Variants in MSRA observed in about 807,000 individuals in gnomAD.
The protein encoded by MSRA is mitochondrial peptide methionine sulfoxide reductase.
Under a neutral mutation model 31.3 loss-of-function variants are expected in MSRA, and 54 were observed. The observed-to-expected ratio is 1.73, with a 90% confidence interval of 1.39 to 2.17. MSRA has a LOEUF of 2.17. Ranked by LOEUF, MSRA falls within the 30% of genes most tolerant of loss-of-function variation. The pLI is 0.00. For missense variants in MSRA, 507 were observed against 300.9 expected (o/e 1.69, Z -5.07); for synonymous variants, 169 against 116.5 (o/e 1.45, Z -2.90).
chr8:10,181,285 G>C (rs967420249), intron 1 of MSRA, among the ~76,000 whole-genome samples: 2 of 152,192 alleles, frequency 1.3e-5, no homozygotes, highest in Non-Finnish European at 2.9e-5. Context: ...CCTGCATGAA[G>C]TCAGAAAGTG....
intron 3 of MSRA, among the ~76,000 whole-genome samples, chr8:10,283,627 T>C (rs1799753382): frequency 6.6e-6 from 1 of 151,326 alleles, no homozygotes; most frequent in Non-Finnish European, 1.5e-5. Context: ...AAAGTCCATT[T>C]TGTCATTCTT....
chr8:10,402,119 C>T (rs1021695658), intron 5 of MSRA, among the ~76,000 whole-genome samples: 3 of 152,184 alleles, frequency 2.0e-5, no homozygotes, highest in Non-Finnish European at 2.9e-5. Context: ...GCATTGGGTT[C>T]CCTTAGCTCT....
intron 5 of MSRA, among the ~76,000 whole-genome samples, chr8:10,359,846 A>G (rs571899911): frequency 9.8e-5 from 15 of 152,286 alleles, no homozygotes; most frequent in African/African-American, 3.6e-4. Flanking sequence ...AGGGAGGAGG[A>G]GTAGGTCATG....
At chr8:10,427,307 C>G (rs1283080504) in intron 5 of MSRA, among the ~76,000 whole-genome samples, 5 of 152,222 alleles carry the variant, frequency 3.3e-5, no homozygotes, top group Non-Finnish European at 5.9e-5. Context: ...GGAGAAGAAG[C>G]AGGCTGAAAT....
chr8:10,357,709 G>A (rs956292268), intron 5 of MSRA, among the ~76,000 whole-genome samples: 4 of 152,162 alleles, frequency 2.6e-5, no homozygotes, highest in South Asian at 2.1e-4. Context: ...ACCAGCTGGG[G>A]CAGCATGGAT....
chr8:10,115,259 C>T (rs1298683798), intron 1 of MSRA, among the ~76,000 whole-genome samples: 1 of 152,168 alleles, frequency 6.6e-6, no homozygotes, highest in African/African-American at 2.4e-5. Context: ...ATTCATAGAA[C>T]ACTAGAAGAG....
At chr8:10,174,489 G>A (rs534862873) in intron 1 of MSRA, among the ~76,000 whole-genome samples, 3 of 151,980 alleles carry the variant, frequency 2.0e-5, no homozygotes, top group Admixed American at 6.5e-5. Context: ...CTCTTGCTGC[G>A]TCCACTGGAG....
At chr8:10,385,810 GGTGGGGT>G (rs903809743) in intron 5 of MSRA, among the ~76,000 whole-genome samples, 1 of 149,486 alleles carries the variant, frequency 6.7e-6, no homozygotes, top group African/African-American at 2.4e-5. Flanking sequence ...CCTGGTGGGG[GGTGGGGT>G]GTCTTCCTAA....
intron 5 of MSRA, among the ~76,000 whole-genome samples, chr8:10,391,084 GA>G (rs1392630074): frequency 1.3e-5 from 2 of 151,976 alleles, no homozygotes; most frequent in Non-Finnish European, 2.9e-5. Flanking sequence ...AAAGTAAAAA[GA>G]GAGAGAAATA....
At chr8:10,422,914 G>T (rs1808899829) in intron 5 of MSRA, among the ~76,000 whole-genome samples, 1 of 152,220 alleles carries the variant, frequency 6.6e-6, no homozygotes, top group African/African-American at 2.4e-5. Flanking sequence ...CCCAAAAGTG[G>T]CCCCATAGGG....
At chr8:10,384,905 G>T (rs1043234740) in intron 5 of MSRA, among the ~76,000 whole-genome samples, 1 of 152,132 alleles carries the variant, frequency 6.6e-6, no homozygotes, top group Non-Finnish European at 1.5e-5. Flanking sequence ...AGGAAGCTGA[G>T]CCAGAAGGAT....
chr8:10,324,037 C>G (rs1242025486), intron 5 of MSRA, among the ~76,000 whole-genome samples: 1 of 152,160 alleles, frequency 6.6e-6, no homozygotes. Flanking sequence ...TTCGTACCAG[C>G]TAATTGACTG....
chr8:10,073,901 G>A (rs1051835512), intron 1 of MSRA, among the ~76,000 whole-genome samples: 3 of 151,602 alleles, frequency 2.0e-5, no homozygotes, highest in Non-Finnish European at 4.4e-5. Context: ...TTGATTCTCT[G>A]ACTGTTCCTA....
At chr8:10,136,729 G>A (rs1357075415) in intron 1 of MSRA, among the ~76,000 whole-genome samples, 1 of 152,184 alleles carries the variant, frequency 6.6e-6, no homozygotes, top group African/African-American at 2.4e-5. Flanking sequence ...GAGCCCACTC[G>A]GGGTCAGGGG....
intron 2 of MSRA, among the ~76,000 whole-genome samples, chr8:10,214,604 A>G (rs1012419192): frequency 6.6e-6 from 1 of 152,190 alleles, no homozygotes; most frequent in African/African-American, 2.4e-5. Flanking sequence ...CTGGAGGGGC[A>G]GCCACTCATT....
At chr8:10,071,126 A>T (rs1359441111) in intron 1 of MSRA, among the ~76,000 whole-genome samples, 2 of 152,180 alleles carry the variant, frequency 1.3e-5, no homozygotes, top group South Asian at 2.1e-4. Flanking sequence ...CCAGCAACAT[A>T]TGAAGGATCT....
chr8:10,080,817 G>T (rs1261533763), intron 1 of MSRA, among the ~76,000 whole-genome samples: 2 of 151,966 alleles, frequency 1.3e-5, no homozygotes, highest in Non-Finnish European at 2.9e-5. Context: ...GGGATTATAG[G>T]TGTGAGCCAC....
chr8:10,403,516 G>A (rs1304604348), intron 5 of MSRA, among the ~76,000 whole-genome samples: 1 of 152,200 alleles, frequency 6.6e-6, no homozygotes, highest in Non-Finnish European at 1.5e-5. Context: ...AATTGCCGCT[G>A]GGGCTCTGGA....
chr8:10,274,213 T>C (rs1322201420), intron 3 of MSRA, among the ~76,000 whole-genome samples: 1 of 152,110 alleles, frequency 6.6e-6, no homozygotes, highest in Non-Finnish European at 1.5e-5. Flanking sequence ...AACATGCTAG[T>C]GTAGTTAAAT....
Sources: gnomAD v4.1 joint callset for allele counts (sites outside exome capture counted in the v4.1 genomes callset) on GRCh38, gnomAD v4.1.1 for gene constraint, MANE v1.5 for transcripts, NCBI Gene and HGNC (gene_info 2026-07-23, HGNC 2026-07-21) for gene names.